GSTA5: variants seen among roughly 807,000 people sequenced by gnomAD.
The protein encoded by GSTA5 is glutathione S-transferase alpha 5.
Under a neutral mutation model 21.8 loss-of-function variants are expected in GSTA5, and 25 were observed. That is an observed-to-expected ratio of 1.14 (90% confidence interval 0.83 to 1.60). The LOEUF (loss-of-function observed/expected upper bound fraction) is 1.60. GSTA5 is among the 40% of genes most tolerant of loss of function. The pLI is 0.00. For synonymous variants in GSTA5, 102 were observed against 89.5 expected (o/e 1.14, Z -0.78); for missense variants, 330 against 259.2 (o/e 1.27, Z -1.88).
chr6:52,842,637 T>A (rs2127325757), upstream of GSTA5, among the ~76,000 whole-genome samples: 1 of 152,100 alleles, frequency 6.6e-6, no homozygotes, highest in East Asian at 1.9e-4. Flanking sequence ...ACACCTGACC[T>A]CAGGAGATCC....
intron 2 of GSTA5, 108 bp downstream of exon 2, chr6:52,837,450 C>G: frequency 4.5e-6 from 3 of 672,740 alleles, no homozygotes; most frequent in Non-Finnish European, 7.9e-6. Context: ...CCCTCTCCAC[C>G]GTGACTAAAT....
At chr6:52,841,139 A>G (rs1387593272), upstream of GSTA5, among the ~76,000 whole-genome samples, 1 of 152,226 alleles carries the variant, frequency 6.6e-6, no homozygotes, top group African/African-American at 2.4e-5. Context: ...ACTAATATTT[A>G]TTGAAAACTT....
chr6:52,838,934 G>A (rs77915683), intron 1 of GSTA5, among the ~76,000 whole-genome samples: 1,747 of 152,256 alleles, frequency 0.011, 31 homozygotes, highest in African/African-American at 0.038. Flanking sequence ...AAATAGTAGC[G>A]GTGTTTCCAG....
At chr6:52,839,202 C>A (rs911341163) in intron 1 of GSTA5, among the ~76,000 whole-genome samples, 1 of 152,158 alleles carries the variant, frequency 6.6e-6, no homozygotes, top group Admixed American at 6.5e-5. Flanking sequence ...GGGTTGTGAT[C>A]ATCAGCCTTA....
intron 1 of GSTA5, 52 bp downstream of exon 1, chr6:52,840,675 T>C: frequency 2.0e-6 from 3 of 1,487,248 alleles, no homozygotes; most frequent in East Asian, 2.3e-5. Context: ...GGGAAAAGTA[T>C]GTGATAACGC....
At chr6:52,836,475 A>C in intron 2 of GSTA5, 107 bp from the exon 3 acceptor site, 5 of 1,160,412 alleles carry the variant, frequency 4.3e-6, no homozygotes, top group Non-Finnish European at 6.1e-6. Context: ...TGAAAAAGAA[A>C]TTATTGCCTG....
chr6:52,838,444 C>A (rs1364637669), intron 1 of GSTA5, among the ~76,000 whole-genome samples: 1 of 152,166 alleles, frequency 6.6e-6, no homozygotes, highest in Non-Finnish European at 1.5e-5. Context: ...ATAGTAACTG[C>A]TCGTTAAATA....
chr6:52,846,189 T>A, the GSTA5 span: 1 of 168,460 alleles, frequency 5.9e-6, no homozygotes, highest in African/African-American at 2.4e-5. Flanking sequence ...GAAAACCCAC[T>A]CCCACACATT....
intron 1 of GSTA5, among the ~76,000 whole-genome samples, chr6:52,837,868 A>G (rs905210986): frequency 3.3e-5 from 5 of 152,188 alleles, no homozygotes; most frequent in Non-Finnish European, 7.3e-5. Flanking sequence ...ATTAGGTCAT[A>G]TTTTGAGAGG....
intron 1 of GSTA5, among the ~76,000 whole-genome samples, chr6:52,839,551 A>T (rs1764343181): frequency 6.6e-6 from 1 of 152,202 alleles, no homozygotes; most frequent in Admixed American, 6.5e-5. Context: ...TCCGAGGCTC[A>T]GGTCCACACG....
exon 6 of GSTA5, chr6:52,831,920 C>T (rs550386867): frequency 1.2e-6 from 2 of 1,613,952 alleles, no homozygotes; most frequent in Admixed American, 3.3e-5. Flanking sequence ...GGCTGCCAGG[C>T]TGCAGAAACT....
intron 1 of GSTA5, among the ~76,000 whole-genome samples, chr6:52,838,290 C>CT (rs1764320641): frequency 6.6e-6 from 1 of 152,182 alleles, no homozygotes; most frequent in Admixed American, 6.5e-5. Context: ...GTACTGTCTT[C>CT]TTGACTTTGG....
At chr6:52,841,224 G>T (rs1764374030), upstream of GSTA5, among the ~76,000 whole-genome samples, 1 of 152,168 alleles carries the variant, frequency 6.6e-6, no homozygotes, top group South Asian at 2.1e-4. Flanking sequence ...CTCATTAAAT[G>T]GTTGTTTTCT....
exon 1 of GSTA5, chr6:52,840,779 G>T (rs1764362772): frequency 1.6e-5 from 26 of 1,614,146 alleles, no homozygotes; most frequent in Non-Finnish European, 2.2e-5. Flanking sequence ...ACTGCCCCGT[G>T]CATTGGAGTA....
intron 1 of GSTA5, among the ~76,000 whole-genome samples, chr6:52,839,496 A>G (rs1281180518): frequency 1.3e-5 from 2 of 152,226 alleles, no homozygotes; most frequent in Non-Finnish European, 2.9e-5. Flanking sequence ...AGAAAGGGTG[A>G]GGCTAAAGTC....
At chr6:52,832,364 A>G (rs761323330) in intron 5 of GSTA5, among the ~76,000 whole-genome samples, 82 of 152,328 alleles carry the variant, frequency 5.4e-4, no homozygotes, top group Non-Finnish European at 1.0e-3. Flanking sequence ...CATTAAACAC[A>G]AACCATGGGA....
At chr6:52,843,955 T>A (rs775919491), upstream of GSTA5, among the ~76,000 whole-genome samples, 1 of 152,186 alleles carries the variant, frequency 6.6e-6, no homozygotes, top group Non-Finnish European at 1.5e-5. Flanking sequence ...AGGCTAAGAC[T>A]GGGGCAGAGG....
chr6:52,837,913 C>A (rs577026862), intron 1 of GSTA5, among the ~76,000 whole-genome samples: 110 of 152,322 alleles, frequency 7.2e-4, no homozygotes, highest in African/African-American at 2.4e-3. Context: ...GAGCAGTTCT[C>A]CTAGTTATGG....
At chr6:52,843,672 T>C (rs1046490306), upstream of GSTA5, among the ~76,000 whole-genome samples, 4 of 152,216 alleles carry the variant, frequency 2.6e-5, no homozygotes, top group African/African-American at 7.2e-5. Flanking sequence ...TATTTTGATG[T>C]TGTACTTTCC....
Sources: allele counts gnomAD v4.1 joint callset (sites outside exome capture counted in the v4.1 genomes callset), GRCh38; gene constraint gnomAD v4.1.1; transcripts MANE v1.5; gene names NCBI Gene and HGNC (gene_info 2026-07-23, HGNC 2026-07-21).